Variants in NPFFR2 observed in about 807,000 individuals in gnomAD.
NPFFR2 encodes the protein G-protein coupled receptor 74.
A neutral mutation model predicts 13.1 loss-of-function variants in NPFFR2; 15 were observed. That is an observed-to-expected ratio of 1.15 (90% CI 0.77 to 1.76). The LOEUF (loss-of-function observed/expected upper bound fraction) is 1.76, where lower values mean the gene tolerates loss of function less well. Among genes scored for constraint, NPFFR2 ranks in the 40% most tolerant of loss-of-function variants. NPFFR2 has a pLI of 0.00. For missense variants in NPFFR2, 572 were observed against 503.5 expected (o/e 1.14, Z -1.30); for synonymous variants, 190 against 175.7 (o/e 1.08, Z -0.65).
intron 3 of NPFFR2, among the ~76,000 whole-genome samples, chr4:72,145,062 T>C (rs1439921103): frequency 6.6e-6 from 1 of 152,104 alleles, no homozygotes; most frequent in Non-Finnish European, 1.5e-5. Context: ...GTCCAAACTT[T>C]TTAGCAGAAT....
chr4:72,113,804 C>T (rs760788966), intron 1 of NPFFR2, among the ~76,000 whole-genome samples: 12 of 151,972 alleles, frequency 7.9e-5, no homozygotes, highest in African/African-American at 1.7e-4. Flanking sequence ...GTCTCAGGTT[C>T]GAATAGAAGA....
intron 1 of NPFFR2, among the ~76,000 whole-genome samples, chr4:72,096,317 A>G (rs1203562109): frequency 1.3e-5 from 2 of 152,190 alleles, no homozygotes; most frequent in Admixed American, 1.3e-4. Flanking sequence ...ATTAGCATCC[A>G]TGGACTGTCA....
At chr4:72,145,987 A>G (rs147960762) in intron 3 of NPFFR2, among the ~76,000 whole-genome samples, 55 of 152,348 alleles carry the variant, frequency 3.6e-4, no homozygotes, top group South Asian at 1.2e-3. Flanking sequence ...GGCTTACTCT[A>G]CATACTGATG....
intron 1 of NPFFR2, among the ~76,000 whole-genome samples, chr4:72,043,558 A>G (rs1364081799): frequency 6.6e-6 from 1 of 152,240 alleles, no homozygotes; most frequent in Non-Finnish European, 1.5e-5. Context: ...GATGTGAGAC[A>G]TGGAACCAAA....
At chr4:72,051,914 C>T (rs1431806988) in intron 1 of NPFFR2, among the ~76,000 whole-genome samples, 16 of 146,128 alleles carry the variant, frequency 1.1e-4, no homozygotes, top group Admixed American at 1.4e-4. Context: ...ATAAATTCCT[C>T]GACACATACA....
chr4:72,075,082 T>C (rs566385801), intron 1 of NPFFR2, among the ~76,000 whole-genome samples: 1 of 152,268 alleles, frequency 6.6e-6, no homozygotes, highest in East Asian at 1.9e-4. Context: ...CAACGAAGAT[T>C]ACCATTTGAG....
At chr4:72,139,774 G>GA (rs1722539291) in intron 3 of NPFFR2, among the ~76,000 whole-genome samples, 1 of 152,242 alleles carries the variant, frequency 6.6e-6, no homozygotes, top group African/African-American at 2.4e-5. Flanking sequence ...CTTTAAAGTA[G>GA]ATTTTTCCAA....
chr4:72,040,544 T>A (rs1719179428), intron 1 of NPFFR2, among the ~76,000 whole-genome samples: 1 of 152,174 alleles, frequency 6.6e-6, no homozygotes, highest in African/African-American at 2.4e-5. Flanking sequence ...TAGATTATTT[T>A]TCTGATATCC....
intron 3 of NPFFR2, among the ~76,000 whole-genome samples, chr4:72,139,261 A>G (rs759162765): frequency 6.6e-6 from 1 of 152,158 alleles, no homozygotes; most frequent in Non-Finnish European, 1.5e-5. Flanking sequence ...TCTTTAGCTT[A>G]ATTAGATCCC....
chr4:72,062,743 C>G (rs1719956767), intron 1 of NPFFR2, among the ~76,000 whole-genome samples: 1 of 152,140 alleles, frequency 6.6e-6, no homozygotes, highest in Non-Finnish European at 1.5e-5. Flanking sequence ...AGAAGATGCT[C>G]AAGCTGGCCT....
intron 1 of NPFFR2, among the ~76,000 whole-genome samples, chr4:72,099,312 A>G (rs573007997): frequency 6.6e-6 from 1 of 152,328 alleles, no homozygotes; most frequent in South Asian, 2.1e-4. Context: ...CAATTAAGAG[A>G]TAAAGAATGA....
rs28563792 is a variant in NPFFR2 at position 72,094,513 on chromosome 4, C to T, written c.-7-34072C>T. ...GAGCTCAGACTCTCCTTGAGTGGGG[C>T]TTGCTGCAGCTGCTGTGGGGGATGA... is the stretch of plus-strand genomic sequence containing the variant. On this transcript the variant is annotated intron_variant, in intron 1 of 3. Transcript: ENST00000308744. 8.0e-3 allele frequency among the ~76,000 whole-genome samples: 1,224 copies of T among 152,256 alleles called. 8 individuals are homozygous for T. The highest frequency in any genetic ancestry group is 0.017 in the African/African-American group (712 of 41,540).
At chr4:72,098,893 CTATTACTCTG>C (rs1384378348) in intron 1 of NPFFR2, among the ~76,000 whole-genome samples, 1 of 152,122 alleles carries the variant, frequency 6.6e-6, no homozygotes, top group Non-Finnish European at 1.5e-5. Flanking sequence ...AGAACTTGCT[CTATTACTCTG>C]TATTGGTTCA....
intron 3 of NPFFR2, among the ~76,000 whole-genome samples, chr4:72,143,776 G>T (rs1003553086): frequency 3.3e-5 from 5 of 152,074 alleles, no homozygotes; most frequent in Non-Finnish European, 7.4e-5. Flanking sequence ...TCCAAATTGT[G>T]CAAAGTCTTA....
At chr4:72,095,209 C>T (rs1721029428) in intron 1 of NPFFR2, among the ~76,000 whole-genome samples, 1 of 152,134 alleles carries the variant, frequency 6.6e-6, no homozygotes, top group Non-Finnish European at 1.5e-5. Context: ...ACACTGTTAA[C>T]ACTTGATGGA....
intron 2 of NPFFR2, among the ~76,000 whole-genome samples, chr4:72,134,130 T>G (rs777438273): frequency 6.6e-6 from 1 of 152,058 alleles, no homozygotes; most frequent in African/African-American, 2.4e-5. Context: ...CCTGGTATGG[T>G]GGCGTGCACC....
chr4:72,115,967 A>G (rs922500596), intron 1 of NPFFR2, among the ~76,000 whole-genome samples: 9 of 152,214 alleles, frequency 5.9e-5, no homozygotes, highest in Non-Finnish European at 1.3e-4. Flanking sequence ...ATGAAACTGT[A>G]GTATTCTAAT....
Position 72,128,650 on chromosome 4 carries a change from A to G in NPFFR2, c.59A>G (p.Asn20Ser), listed in dbSNP as rs769666553. The G allele has an allele frequency of 3.2e-5, 51 of 1,613,646 alleles. No homozygotes were observed. The highest frequency in any genetic ancestry group is 2.0e-4 in the Admixed American group (12 of 60,006). The change falls in exon 2 of 4, where the codon AAT (asparagine) becomes AGT (serine). Residue 20 changes from asparagine (N) to serine (S), a missense_variant. Coordinates refer to ENST00000308744, the MANE Select transcript of NPFFR2 (RefSeq NM_004885.3). The stretch of plus-strand genomic sequence containing the variant: ...AACTGGCATCCCATCTGGAATGTCA[A>G]TGACACAAAGCATCATCTGTACTCA... ...SENWHPIWNV[N>S]DTKHHLYSDI...
At chr4:72,072,064 A>G (rs1350403058) in intron 1 of NPFFR2, among the ~76,000 whole-genome samples, 1 of 152,166 alleles carries the variant, frequency 6.6e-6, no homozygotes, top group Non-Finnish European at 1.5e-5. Flanking sequence ...ACAACAATCA[A>G]GAAACAACAA....
Sources: gnomAD v4.1 joint callset for allele counts (sites outside exome capture counted in the v4.1 genomes callset) on GRCh38, gnomAD v4.1.1 for gene constraint, MANE v1.5 for transcripts, NCBI Gene and HGNC (gene_info 2026-07-23, HGNC 2026-07-21) for gene names.